The following DOCK1 variants were observed in gnomAD, a reference collection of about 807,000 sequenced individuals.
The protein encoded by DOCK1 is dedicator of cytokinesis protein 1.
DOCK1 carries 138 observed loss-of-function variants against 262.7 expected under a neutral mutation model. The observed-to-expected ratio is 0.53, with a 90% CI of 0.46 to 0.61. DOCK1 has a LOEUF of 0.61. Ranked by LOEUF, DOCK1 falls within the 20% of genes least tolerant of loss-of-function variation. DOCK1 has a pLI of 0.00. For missense variants in DOCK1, 1,908 were observed against 2,370.7 expected (o/e 0.80, Z 4.05); for synonymous variants, 866 against 867.4 (o/e 1.00, Z 0.03).
At chr10:127,417,636 C>T (rs898323212) in intron 44 of DOCK1, among the ~76,000 whole-genome samples, 2 of 152,184 alleles carry the variant, frequency 1.3e-5, no homozygotes, top group Non-Finnish European at 2.9e-5. Context: ...AATACAGTGG[C>T]TCAATCTCGG....
At chr10:126,944,790 G>A (rs1001124240) in intron 1 of DOCK1, among the ~76,000 whole-genome samples, 7 of 152,082 alleles carry the variant, frequency 4.6e-5, no homozygotes, top group African/African-American at 1.4e-4. Flanking sequence ...GCTGGAGAGG[G>A]TGTTATCAAC....
At chr10:127,198,890 G>T (rs2057333884) in intron 27 of DOCK1, among the ~76,000 whole-genome samples, 1 of 152,022 alleles carries the variant, frequency 6.6e-6, no homozygotes, top group East Asian at 1.9e-4. Flanking sequence ...TGAGGTGTGT[G>T]TCATCATGCT....
intron 12 of DOCK1, chr10:127,014,930 C>G (rs913976747): frequency 6.6e-6 from 1 of 152,268 alleles, no homozygotes; most frequent in Non-Finnish European, 1.5e-5. Context: ...CCTCATCAAC[C>G]AGGTGAGTAG....
At chr10:127,420,573 G>A (rs1283861605) in intron 46 of DOCK1, among the ~76,000 whole-genome samples, 2 of 152,262 alleles carry the variant, frequency 1.3e-5, no homozygotes, top group South Asian at 2.1e-4. Flanking sequence ...CATGGGTTTG[G>A]ACCAGGTGTC....
At chr10:127,048,954 C>T (rs570764699) in intron 21 of DOCK1, among the ~76,000 whole-genome samples, 53 of 152,236 alleles carry the variant, frequency 3.5e-4, no homozygotes, top group African/African-American at 1.2e-3. Flanking sequence ...CAGGAACAAA[C>T]GTGGCTGTCT....
At chr10:126,973,198 C>A (rs745435667) in intron 2 of DOCK1, among the ~76,000 whole-genome samples, 1 of 150,402 alleles carries the variant, frequency 6.6e-6, no homozygotes, top group Middle Eastern at 3.2e-3. Flanking sequence ...CATTTTTGTT[C>A]TTTGCTTCAT....
At chr10:127,302,525 C>T (rs2061716755) in intron 29 of DOCK1, among the ~76,000 whole-genome samples, 1 of 152,128 alleles carries the variant, frequency 6.6e-6, no homozygotes, top group African/African-American at 2.4e-5. Flanking sequence ...TATTTTCCCC[C>T]ACACAATCCG....
At chr10:127,042,757 T>C in intron 20 of DOCK1, 43 bp downstream of exon 20, 1 of 1,594,082 alleles carries the variant, frequency 6.3e-7, no homozygotes, top group Non-Finnish European at 8.6e-7. Context: ...AACACAGCGT[T>C]CTTCCATGCT....
chr10:126,917,871 C>T (rs1334560427), intron 1 of DOCK1, among the ~76,000 whole-genome samples: 1 of 152,122 alleles, frequency 6.6e-6, no homozygotes, highest in Non-Finnish European at 1.5e-5. Context: ...CCCCCAGGCG[C>T]ATAAAGCTGT....
intron 23 of DOCK1, among the ~76,000 whole-genome samples, chr10:127,069,845 C>T (rs2046106969): frequency 6.6e-6 from 1 of 152,094 alleles, no homozygotes; most frequent in East Asian, 1.9e-4. Flanking sequence ...GGTGAGTAGG[C>T]CAAGTTTGGA....
chr10:127,144,589 T>C (rs1028393744), intron 27 of DOCK1, among the ~76,000 whole-genome samples: 1 of 152,220 alleles, frequency 6.6e-6, no homozygotes, highest in African/African-American at 2.4e-5. Context: ...TATTTTCTGT[T>C]TTCATTTAAA....
At chr10:127,031,605 G>T (rs763282755) in intron 16 of DOCK1, 45 bp from the exon 17 acceptor site, 2 of 1,444,356 alleles carry the variant, frequency 1.4e-6, no homozygotes, top group Non-Finnish European at 1.9e-6. Context: ...ATTTTGTCAT[G>T]ATAATTGAAA....
chr10:127,205,309 C>T (rs1474712597), intron 27 of DOCK1, among the ~76,000 whole-genome samples: 2 of 152,212 alleles, frequency 1.3e-5, no homozygotes, highest in Admixed American at 1.3e-4. Context: ...GGAGCTTTCT[C>T]TGCTTCCGAC....
At chr10:127,090,510 A>G (rs1259021861) in intron 23 of DOCK1, among the ~76,000 whole-genome samples, 1 of 151,996 alleles carries the variant, frequency 6.6e-6, no homozygotes, top group East Asian at 1.9e-4. Context: ...GCGGTAAAAT[A>G]CATATAACAT....
chr10:127,032,137 G>T lies in DOCK1; in HGVS notation c.1729G>T (p.Ala577Ser). ...ACATACGGCATGACTAAATCCACAG[G>T]CCGAAGCAAAGAAGCTGGAAGATGC... ...DGEHDLIVYKAEAKKLEDAAT... is the reference protein window; with the variant it reads ...DGEHDLIVYKSEAKKLEDAAT... Residue 577 changes from alanine to serine, a missense_variant and splice_region_variant, in exon 18 of 52, where the codon GCC becomes TCC. Ala to Ser is a moderately conservative substitution (Grantham distance 99, BLOSUM62 1). Transcript: ENST00000623213. 1 of 1,585,290 alleles carries T rather than the reference G, an allele frequency of 6.3e-7. No individual in the cohort carries two copies. Among genetic ancestry groups the T allele is most frequent in the South Asian group, 1.2e-5 (1 of 86,598 alleles).
At chr10:127,137,806 G>T in intron 27 of DOCK1, 1 of 1,588,690 alleles carries the variant, frequency 6.3e-7, no homozygotes, top group Non-Finnish European at 8.6e-7. Flanking sequence ...GGGTTCTAAA[G>T]ACGGCCTCGA....
intron 1 of DOCK1, among the ~76,000 whole-genome samples, chr10:126,963,637 T>TC (rs2037431722): frequency 3.5e-5 from 2 of 57,588 alleles, no homozygotes; most frequent in South Asian, 6.8e-4. Flanking sequence ...TCCCTTCCCT[T>TC]CCCTCCTTCC....
At chr10:127,090,395 T>G (rs2047447214) in intron 23 of DOCK1, among the ~76,000 whole-genome samples, 1 of 152,098 alleles carries the variant, frequency 6.6e-6, no homozygotes, top group Non-Finnish European at 1.5e-5. Context: ...GACGGTGACT[T>G]GCTATCAGTA....
intron 29 of DOCK1, among the ~76,000 whole-genome samples, chr10:127,259,679 T>C (rs1304568683): frequency 6.6e-6 from 1 of 152,176 alleles, no homozygotes; most frequent in African/African-American, 2.4e-5. Context: ...GGGTGAGCAC[T>C]GCTCTGACAA....
Sources: gnomAD v4.1 joint callset for allele counts (sites outside exome capture counted in the v4.1 genomes callset) on GRCh38, gnomAD v4.1.1 for gene constraint, MANE v1.5 for transcripts, NCBI Gene and HGNC (gene_info 2026-07-23, HGNC 2026-07-21) for gene names.